The following PDK1 variants were observed in gnomAD, a reference collection of about 807,000 sequenced individuals.
The protein encoded by PDK1 is pyruvate dehydrogenase kinase 1, also known as [Pyruvate dehydrogenase (acetyl-transferring)] kinase isozyme 1, mitochondrial.
In PDK1, 39 loss-of-function variants were observed where a neutral mutation model predicts 54.2. The observed-to-expected ratio is 0.72, with a 90% CI of 0.56 to 0.94. The LOEUF (loss-of-function observed/expected upper bound fraction) is 0.94, where lower values mean the gene tolerates loss of function less well. Ranked by LOEUF, PDK1 falls within the 40% of genes least tolerant of loss-of-function variation. The probability of loss-of-function intolerance (pLI) is 0.00; values close to 1 mark genes in which losing one functional copy is unlikely to be tolerated. For synonymous variants in PDK1, 221 were observed against 207.1 expected (o/e 1.07, Z -0.58); for missense variants, 552 against 566.0 (o/e 0.98, Z 0.25).
At chr2:172,648,530 G>A in the PDK1 span, among the ~76,000 whole-genome samples, 5 of 152,006 alleles carry the variant, frequency 3.3e-5, no homozygotes, top group Non-Finnish European at 5.9e-5. Flanking sequence ...AGAGTAGAGC[G>A]GGGCATCGCC....
rs995904124 is a variant in PDK1, at chr2:172,597,837, G to C, written c.*1868G>C. On this transcript the variant is annotated 3_prime_UTR_variant, in exon 11 of 11. Coordinates refer to ENST00000282077, the MANE Select transcript of PDK1 (RefSeq NM_002610.5). ...CACTTAAACAGGGGAGCTTTGTCTG[G>C]AAAATACACTGAGTTGAAACACTTC... 2.6e-5 allele frequency: 4 copies of C among 152,204 alleles called. No homozygotes were observed. The highest frequency in any genetic ancestry group is 5.9e-5 in the Non-Finnish European group (4 of 68,038). 9.4% of individuals were successfully genotyped at this position (152,204 alleles called of 1,614,324 possible).
chr2:172,640,963 TTC>T, the PDK1 span, among the ~76,000 whole-genome samples: 6 of 146,988 alleles, frequency 4.1e-5, no homozygotes, highest in African/African-American at 1.2e-4. Context: ...CTTTCTCTGT[TTC>T]TCTCTTTCTT....
the PDK1 span, among the ~76,000 whole-genome samples, chr2:172,662,628 A>T: frequency 1.3e-5 from 2 of 152,148 alleles, no homozygotes; most frequent in African/African-American, 4.8e-5. Context: ...ATGATTGAAC[A>T]TTTGGATCAT....
the PDK1 span, among the ~76,000 whole-genome samples, chr2:172,625,464 T>A: frequency 6.6e-6 from 1 of 152,370 alleles, no homozygotes; most frequent in South Asian, 2.1e-4. Context: ...ATCATGCATC[T>A]GTTTGTAACT....
the PDK1 span, among the ~76,000 whole-genome samples, chr2:172,643,462 C>G: frequency 2.6e-5 from 4 of 152,154 alleles, no homozygotes; most frequent in Admixed American, 2.6e-4. Context: ...TGTGCTGAGT[C>G]CTCTTTTAGC....
the PDK1 span, among the ~76,000 whole-genome samples, chr2:172,619,606 G>A: frequency 1.3e-5 from 2 of 151,964 alleles, no homozygotes; most frequent in African/African-American, 4.8e-5. Context: ...TGAATAAAAG[G>A]CAAAGAGTAA....
chr2:172,702,199 G>A, the PDK1 span, among the ~76,000 whole-genome samples: 13 of 152,028 alleles, frequency 8.6e-5, no homozygotes, highest in African/African-American at 2.7e-4. Flanking sequence ...AGGGATGGCC[G>A]GGCGCAGTGG....
chr2:172,591,429 G>T (rs1398310175), intron 9 of PDK1, among the ~76,000 whole-genome samples: 1 of 152,220 alleles, frequency 6.6e-6, no homozygotes, highest in East Asian at 1.9e-4. Context: ...CAGTGAGGAG[G>T]TTTAGGCCTT....
In PDK1 at chr2:172,599,105, C is replaced by T. The variant is rs533932061; in HGVS notation, c.*3136C>T. ...TGAAGATCTTCTGTTGTGTGCTTTTCAAACACTGTAAATAAATTTGAAATT... is the reference window on the plus strand; with the variant it reads ...TGAAGATCTTCTGTTGTGTGCTTTTTAAACACTGTAAATAAATTTGAAATT... On this transcript the variant is annotated 3_prime_UTR_variant, in exon 11 of 11. Coordinates refer to ENST00000282077, the MANE Select transcript of PDK1 (RefSeq NM_002610.5). 6.8e-6 allele frequency: 1 copy of T among 147,380 alleles called. No homozygotes were observed. Among genetic ancestry groups the T allele is most frequent in the African/African-American group, 2.5e-5 (1 of 39,790 alleles). The allele number at this position is 147,380 out of a possible 1,614,324, so 9.1% of individuals were successfully genotyped here.
the PDK1 span, among the ~76,000 whole-genome samples, chr2:172,695,051 GA>G: frequency 1.6e-4 from 24 of 152,158 alleles, no homozygotes; most frequent in Non-Finnish European, 1.5e-5. Flanking sequence ...CCAGGAGTCA[GA>G]GGCTGCAGTG....
At chr2:172,718,651 T>C in the PDK1 span, among the ~76,000 whole-genome samples, 1 of 152,102 alleles carries the variant, frequency 6.6e-6, no homozygotes, top group Non-Finnish European at 1.5e-5. Flanking sequence ...AGTGATTCCG[T>C]TTGGGGTGAT....
the PDK1 span, among the ~76,000 whole-genome samples, chr2:172,686,942 T>C: frequency 4.6e-5 from 7 of 152,360 alleles, no homozygotes; most frequent in South Asian, 8.3e-4. Flanking sequence ...TGATATCATC[T>C]TTAAAAATCA....
intron 8 of PDK1, among the ~76,000 whole-genome samples, chr2:172,577,143 T>A (rs898845639): frequency 6.6e-6 from 1 of 152,164 alleles, no homozygotes; most frequent in East Asian, 1.9e-4. Context: ...TACATATATG[T>A]TTTTAATTAT....
At chr2:172,685,248 C>A in the PDK1 span, among the ~76,000 whole-genome samples, 12 of 152,234 alleles carry the variant, frequency 7.9e-5, no homozygotes, top group African/African-American at 2.7e-4. Context: ...CCAATAGGTT[C>A]CTGACTGGCC....
chr2:172,591,335 G>A (rs1019372019), intron 9 of PDK1, among the ~76,000 whole-genome samples: 1 of 152,168 alleles, frequency 6.6e-6, no homozygotes, highest in African/African-American at 2.4e-5. Flanking sequence ...TGTAAACGCC[G>A]GGCGGCATCT....
chr2:172,642,874 C>G, the PDK1 span, among the ~76,000 whole-genome samples: 1 of 151,908 alleles, frequency 6.6e-6, no homozygotes, highest in East Asian at 1.9e-4. Context: ...TCCTCCTCCT[C>G]CCACTCCTCC....
chr2:172,647,992 G>A, the PDK1 span, among the ~76,000 whole-genome samples: 2,824 of 152,262 alleles, frequency 0.019, 91 homozygotes, highest in African/African-American at 0.064. Context: ...AAAATGCCAG[G>A]CAAACCTAAA....
At chr2:172,562,194 A>C in intron 2 of PDK1, 26 bp from the exon 3 acceptor site, 4 of 1,290,746 alleles carry the variant, frequency 3.1e-6, no homozygotes, top group Non-Finnish European at 4.5e-6. Context: ...AAAAGAACAA[A>C]CTTATCCTAT....
the PDK1 span, among the ~76,000 whole-genome samples, chr2:172,720,884 C>T: frequency 6.6e-6 from 1 of 152,260 alleles, no homozygotes; most frequent in Non-Finnish European, 1.5e-5. Context: ...CTGCACTCCC[C>T]TCCTCCAGGC....
Sources: gnomAD v4.1 joint callset for allele counts (sites outside exome capture counted in the v4.1 genomes callset) on GRCh38, gnomAD v4.1.1 for gene constraint, MANE v1.5 for transcripts, NCBI Gene and HGNC (gene_info 2026-07-23, HGNC 2026-07-21) for gene names.